Variants in NCOA5 observed in about 807,000 individuals in gnomAD.
NCOA5 encodes nuclear receptor coactivator 5, also known as NCoA-5.
A neutral mutation model predicts 59.0 loss-of-function variants in NCOA5; 12 were observed. That is an observed-to-expected ratio of 0.20 (90% CI 0.13 to 0.33). The LOEUF is 0.33. Among genes scored for constraint, NCOA5 ranks in the 10% least tolerant of loss-of-function variants. NCOA5 has a pLI of 1.00. For synonymous variants in NCOA5, 270 were observed against 275.5 expected, an observed-to-expected ratio of 0.98 and a Z score of 0.20; for missense variants, 655 against 766.6, an observed-to-expected ratio of 0.85 and a Z score of 1.72.
rs778472556 is a variant in NCOA5, at chr20:46,062,872, G to A, written c.1168C>T (p.Pro390Ser). Residue 390 changes from proline to serine, a missense_variant, in exon 8 of 8, where the codon CCA (proline) becomes TCA (serine). Pro to Ser is a moderately conservative substitution (Grantham distance 74, BLOSUM62 -1). Around this residue, in one of 3 missense-constraint regions of NCOA5, gnomAD observed 325 missense variants for 353.2 expected, o/e 0.92. Transcript: ENST00000290231. ...DSLPGPISRQ[P>S]LGATSGASLK... is the part of the protein sequence containing the mutation. ...GAGGCACCCGAGGTCGCCCCGAGTGGTTGGCGGGAAATCGGGCCTGGAAGA... is the reference window on the plus strand; with the variant it reads ...GAGGCACCCGAGGTCGCCCCGAGTGATTGGCGGGAAATCGGGCCTGGAAGA... 6.6e-7 allele frequency: 1 copy of A among 1,517,376 alleles called. No individual in the cohort carries two copies. The highest frequency in any genetic ancestry group is 8.8e-7 in the Non-Finnish European group (1 of 1,134,118). 94.0% of individuals were successfully genotyped at this position (1,517,376 alleles called of 1,614,324 possible). A position where few individuals can be genotyped will look rare whatever the true frequency, so the allele number is the denominator to read the frequency against.
chr20:46,061,031 AACAAC>A lies in NCOA5; in HGVS notation c.*1264_*1268del, dbSNP rs2084756011. 6.6e-6 allele frequency: 1 copy of A among 152,328 alleles called. No individual in the cohort carries two copies. The highest frequency in any genetic ancestry group is 1.5e-5 in the Non-Finnish European group (1 of 68,016). The allele number at this position is 152,328 out of a possible 1,614,324, so 9.4% of individuals were successfully genotyped here. Reference sequence around the variant, plus strand: ...TAAAAAGTAATCATTTCATTTTATTAACAACACAAGAGTTCCAAAGAGGAAAAAAA... The same window carrying A: ...TAAAAAGTAATCATTTCATTTTATTAACAAGAGTTCCAAAGAGGAAAAAAA... On this transcript the variant is annotated 3_prime_UTR_variant, in exon 8 of 8. Coordinates refer to ENST00000290231, the MANE Select transcript of NCOA5 (RefSeq NM_020967.3).
chr20:46,076,150 T>G (rs181126835), intron 2 of NCOA5, among the ~76,000 whole-genome samples: 106 of 152,336 alleles, frequency 7.0e-4, no homozygotes, highest in African/African-American at 2.5e-3. Flanking sequence ...GCTAAAAATG[T>G]AGAGGTATAA....
At chr20:46,069,766 A>T (rs1013513518) in intron 3 of NCOA5, among the ~76,000 whole-genome samples, 2 of 152,210 alleles carry the variant, frequency 1.3e-5, no homozygotes, top group East Asian at 3.9e-4. Flanking sequence ...ATCTGCTGAT[A>T]GACATCTGGA....
At chr20:46,063,744 C>A in intron 6 of NCOA5, 64 bp from the exon 7 acceptor site, 1 of 1,485,486 alleles carries the variant, frequency 6.7e-7, no homozygotes, top group Non-Finnish European at 9.2e-7. Context: ...ACCTGCTGCA[C>A]TCTGTCAAGT....
chr20:46,085,134 G>C (rs1267974418), intron 1 of NCOA5, among the ~76,000 whole-genome samples: 2 of 152,016 alleles, frequency 1.3e-5, no homozygotes, highest in South Asian at 4.2e-4. Flanking sequence ...GAACTCAAGC[G>C]GTCTTCCTGC....
At chr20:46,068,459 G>A (rs113231701) in intron 4 of NCOA5, 43 bp downstream of exon 4, 268 of 1,569,218 alleles carry the variant, frequency 1.7e-4, no homozygotes, top group Non-Finnish European at 2.2e-4. Context: ...CTTTTGTAAA[G>A]TGTTCTATCA....
At chr20:46,068,470 A>G (rs2145528691) in intron 4 of NCOA5, 32 bp downstream of exon 4, 1 of 1,587,302 alleles carries the variant, frequency 6.3e-7, no homozygotes, top group Middle Eastern at 1.7e-4. Context: ...TGTTCTATCA[A>G]TAATAGGAAT....
At chr20:46,067,485 C>A (rs1026193618) in intron 4 of NCOA5, among the ~76,000 whole-genome samples, 2 of 152,122 alleles carry the variant, frequency 1.3e-5, no homozygotes, top group East Asian at 1.9e-4. Context: ...CCTTAGTCAA[C>A]AGTGAGTACT....
chr20:46,063,702 G>A, intron 6 of NCOA5, 22 bp from the exon 7 acceptor site: 1 of 1,603,100 alleles, frequency 6.2e-7, no homozygotes, highest in South Asian at 1.1e-5. Flanking sequence ...AATGACATGA[G>A]TTATTTTCTT....
chr20:46,063,713 C>T, intron 6 of NCOA5, 33 bp from the exon 7 acceptor site: 2 of 1,593,086 alleles, frequency 1.3e-6, no homozygotes, highest in Non-Finnish European at 1.7e-6. Context: ...TTATTTTCTT[C>T]CATGACATAT....
chr20:46,070,147 A>T, intron 3 of NCOA5, 63 bp downstream of exon 3: 1 of 1,306,634 alleles, frequency 7.7e-7, no homozygotes, highest in Non-Finnish European at 1.1e-6. Context: ...GCTTTCAATT[A>T]GTTTAGCAGA....
intron 2 of NCOA5, among the ~76,000 whole-genome samples, chr20:46,074,625 C>T (rs537060735): frequency 2.6e-5 from 4 of 152,142 alleles, no homozygotes; most frequent in African/African-American, 7.2e-5. Context: ...ACATTTGAGA[C>T]GTAAGGGCGA....
At chr20:46,074,695 G>C (rs974448598) in intron 2 of NCOA5, among the ~76,000 whole-genome samples, 4 of 152,220 alleles carry the variant, frequency 2.6e-5, no homozygotes, top group Non-Finnish European at 5.9e-5. Flanking sequence ...GGTAGAATGT[G>C]TCTCTTCCTG....
At chr20:46,074,385 G>A (rs539400657) in intron 2 of NCOA5, among the ~76,000 whole-genome samples, 2 of 152,314 alleles carry the variant, frequency 1.3e-5, no homozygotes, top group South Asian at 4.1e-4. Context: ...TCATCCCACA[G>A]CACCAGAGGT....
At chr20:46,064,936 TAA>T (rs1367397316) in intron 6 of NCOA5, 91 bp downstream of exon 6, 1 of 1,229,466 alleles carries the variant, frequency 8.1e-7, no homozygotes, top group African/African-American at 1.5e-5. Flanking sequence ...AACTGAGATA[TAA>T]GAGTCATTTG....
At chr20:46,063,829 G>C (rs1230878687) in intron 6 of NCOA5, 149 bp from the exon 7 acceptor site, 2 of 813,466 alleles carry the variant, frequency 2.5e-6, no homozygotes, top group African/African-American at 3.5e-5. Context: ...GGGTGGTGTG[G>C]GGGGAGAGAT....
intron 2 of NCOA5, among the ~76,000 whole-genome samples, chr20:46,078,716 C>A (rs2084963745): frequency 6.6e-6 from 1 of 151,170 alleles, no homozygotes; most frequent in African/African-American, 2.5e-5. Context: ...TAAAGCTCTT[C>A]TTTGAGAGGA....
At chr20:46,074,634 G>C (rs780191360) in intron 2 of NCOA5, among the ~76,000 whole-genome samples, 1 of 152,232 alleles carries the variant, frequency 6.6e-6, no homozygotes, top group African/African-American at 2.4e-5. Flanking sequence ...ACGTAAGGGC[G>C]AAAGGGGTGA....
chr20:46,075,927 T>C (rs538475600), intron 2 of NCOA5, among the ~76,000 whole-genome samples: 2 of 152,204 alleles, frequency 1.3e-5, no homozygotes, highest in Non-Finnish European at 2.9e-5. Flanking sequence ...TGGGCCAATA[T>C]TGTCAGAATT....
Sources: gnomAD v4.1 joint callset for allele counts (sites outside exome capture counted in the v4.1 genomes callset) on GRCh38, gnomAD v4.1.1 for gene constraint, gnomAD v4.1.1 regional missense constraint, MANE v1.5 for transcripts, NCBI Gene and HGNC (gene_info 2026-07-23, HGNC 2026-07-21) for gene names.